TGFBR1: variants seen among roughly 807,000 people sequenced by gnomAD.
The protein encoded by TGFBR1 is TGF-beta receptor type-1.
Under a neutral mutation model 55.1 loss-of-function variants are expected in TGFBR1, and 20 were observed. That is an observed-to-expected ratio of 0.36 (90% CI 0.26 to 0.53). TGFBR1 has a LOEUF of 0.53. TGFBR1 is among the 20% of genes least tolerant of loss of function. The pLI, the probability that TGFBR1 is intolerant of heterozygous loss-of-function variation, is 0.91. For missense variants in TGFBR1, 385 were observed against 617.6 expected, an observed-to-expected ratio of 0.62 and a Z score of 3.99; for synonymous variants, 220 against 214.8, an observed-to-expected ratio of 1.02 and a Z score of -0.21.
chr9:99,131,676 T>C (rs1198954027), intron 2 of TGFBR1, among the ~76,000 whole-genome samples: 2 of 151,966 alleles, frequency 1.3e-5, no homozygotes, highest in South Asian at 2.1e-4. Flanking sequence ...CTTTAAAAAA[T>C]TGGTGGACCT....
chr9:99,150,397 A>T lies in TGFBR1; in HGVS notation c.*1092A>T, dbSNP rs559316578. On this transcript the variant is annotated 3_prime_UTR_variant, in exon 9 of 9. Transcript: ENST00000374994. ...TATTCTGTAAGCCATTTTTTTCTTT[A>T]TCTGTTCAAAGACTTATTTTTTAAG... 1 of 209,910 alleles carries T rather than the reference A, an allele frequency of 4.8e-6. No individual in the cohort carries two copies. The highest frequency in any genetic ancestry group is 9.7e-6 in the Non-Finnish European group (1 of 103,030). 13.0% of individuals were successfully genotyped at this position (209,910 alleles called of 1,614,324 possible). A position where few individuals can be genotyped will look rare whatever the true frequency, so the allele number is the denominator to read the frequency against.
rs1564161544 is a variant in TGFBR1, at chr9:99,137,957, C to G, written c.673C>G (p.Arg225Gly). The G allele has an allele frequency of 6.2e-7, 1 of 1,613,914 alleles. No individual in the cohort carries two copies. ...TGGAGAAGTTTGGAGAGGAAAGTGGCGGGGAGAAGAAGTTGCTGTTAAGAT... is the reference window on the plus strand; with the variant it reads ...TGGAGAAGTTTGGAGAGGAAAGTGGGGGGGAGAAGAAGTTGCTGTTAAGAT... ...RFGEVWRGKW[R>G]GEEVAVKIFS... The change falls in exon 4 of 9, where the codon CGG (arginine) becomes GGG (glycine). Residue 225 changes from arginine (R) to glycine (G), a missense_variant. This residue lies in a region of TGFBR1 where 85 missense variants were observed against 228.4 expected (regional missense o/e 0.37). Coordinates refer to ENST00000374994, the MANE Select transcript of TGFBR1 (RefSeq NM_004612.4).
chr9:99,116,701 G>A (rs1288165501), intron 1 of TGFBR1, among the ~76,000 whole-genome samples: 1 of 152,088 alleles, frequency 6.6e-6, no homozygotes, highest in Middle Eastern at 3.2e-3. Flanking sequence ...TAGCCATGAT[G>A]CTACTGTATC....
chr9:99,129,248 A>T, intron 2 of TGFBR1, 148 bp downstream of exon 2: 1 of 964,804 alleles, frequency 1.0e-6, no homozygotes, highest in Non-Finnish European at 1.5e-6. Flanking sequence ...TTACAGACTT[A>T]TAAGAGTAAC....
chr9:99,132,146 A>G (rs1827250104), intron 2 of TGFBR1, among the ~76,000 whole-genome samples: 1 of 152,170 alleles, frequency 6.6e-6, no homozygotes, highest in African/African-American at 2.4e-5. Context: ...CAAACATTAA[A>G]AAAAATATGA....
At chr9:99,117,340 CT>C (rs1369904909) in intron 1 of TGFBR1, among the ~76,000 whole-genome samples, 1 of 150,638 alleles carries the variant, frequency 6.6e-6, no homozygotes, top group East Asian at 2.0e-4. Flanking sequence ...CTCAGGTGAT[CT>C]GCCTGCCTCG....
At chr9:99,135,156 C>G (rs1331119196) in intron 3 of TGFBR1, among the ~76,000 whole-genome samples, 2 of 152,136 alleles carry the variant, frequency 1.3e-5, no homozygotes, top group African/African-American at 4.8e-5. Context: ...GAGGAAAAAT[C>G]TAACATACAG....
chr9:99,119,609 C>T (rs564102878), intron 1 of TGFBR1, among the ~76,000 whole-genome samples: 5 of 152,312 alleles, frequency 3.3e-5, no homozygotes, highest in Admixed American at 2.6e-4. Flanking sequence ...TATTTCTGTT[C>T]ATATTCCTTC....
chr9:99,140,080 A>C (rs1455593510), intron 4 of TGFBR1, among the ~76,000 whole-genome samples: 1 of 152,234 alleles, frequency 6.6e-6, no homozygotes, highest in Non-Finnish European at 1.5e-5. Flanking sequence ...TGTTTGATTA[A>C]GACGGGGCAG....
At chr9:99,137,231 G>A (rs1827465072) in intron 3 of TGFBR1, among the ~76,000 whole-genome samples, 1 of 152,108 alleles carries the variant, frequency 6.6e-6, no homozygotes, top group East Asian at 1.9e-4. Context: ...GATTTTTACT[G>A]ACTTATCAAA....
At chr9:99,103,703 G>C (rs1280802614), upstream of TGFBR1, among the ~76,000 whole-genome samples, 1 of 152,120 alleles carries the variant, frequency 6.6e-6, no homozygotes, top group Non-Finnish European at 1.5e-5. Flanking sequence ...AGGCCTCTGA[G>C]CCTGTTGGAG....
intron 1 of TGFBR1, among the ~76,000 whole-genome samples, chr9:99,110,719 G>A (rs1826542039): frequency 6.6e-6 from 1 of 152,164 alleles, no homozygotes; most frequent in South Asian, 2.1e-4. Context: ...AACCCCATCT[G>A]CCTGGGCAGG....
Position 99,116,552 on chromosome 9 carries a change from A to G in TGFBR1, c.97+11250A>G, listed in dbSNP as rs747578510. On this transcript the variant is annotated intron_variant, in intron 1 of 8. Transcript: ENST00000374994. The stretch of plus-strand genomic sequence containing the variant: ...TAGAGACTAGTGATTATTGACTTAC[A>G]TATAGATTTCATAATTCTGCAAGAT... Among the ~76,000 whole-genome samples, 7 of 152,240 alleles carry G rather than the reference A, an allele frequency of 4.6e-5. 1 individual carries two copies. The highest frequency in any genetic ancestry group is 1.0e-4 in the Non-Finnish European group (7 of 68,044).
At chr9:99,146,758 C>G in intron 7 of TGFBR1, 149 bp downstream of exon 7, 1 of 1,198,770 alleles carries the variant, frequency 8.3e-7, no homozygotes, top group Middle Eastern at 1.9e-4. Flanking sequence ...GCGATGAAAC[C>G]TTTGGGAGGG....
upstream of TGFBR1, chr9:99,105,051 C>A (rs1458974994): frequency 4.0e-6 from 2 of 501,576 alleles, no homozygotes; most frequent in East Asian, 8.0e-5. Context: ...CCGGCGGGAG[C>A]CCGGCAGCCA....
intron 4 of TGFBR1, among the ~76,000 whole-genome samples, chr9:99,142,256 T>C (rs953744827): frequency 6.6e-6 from 1 of 152,164 alleles, no homozygotes; most frequent in Admixed American, 6.6e-5. Flanking sequence ...TGATACCAAT[T>C]ATCTGTGAAG....
intron 1 of TGFBR1, 76 bp from the exon 2 acceptor site, chr9:99,128,779 A>G (rs1827118159): frequency 7.7e-6 from 12 of 1,563,564 alleles, no homozygotes; most frequent in Non-Finnish European, 1.1e-5. Flanking sequence ...TCAAGAATGT[A>G]TTATTAGAGT....
chr9:99,115,513 A>G (rs924854101), intron 1 of TGFBR1, among the ~76,000 whole-genome samples: 4 of 152,258 alleles, frequency 2.6e-5, no homozygotes, highest in African/African-American at 9.6e-5. Context: ...GGGAGCACTG[A>G]ACATGGAGGA....
At chr9:99,115,130 CCA>C (rs1293412239) in intron 1 of TGFBR1, among the ~76,000 whole-genome samples, 2 of 152,018 alleles carry the variant, frequency 1.3e-5, no homozygotes, top group Non-Finnish European at 2.9e-5. Context: ...TGTACATGGG[CCA>C]TTGAAAAATA....
Sources: gnomAD v4.1 joint callset for allele counts (sites outside exome capture counted in the v4.1 genomes callset) on GRCh38, gnomAD v4.1.1 for gene constraint, gnomAD v4.1.1 regional missense constraint, MANE v1.5 for transcripts, NCBI Gene and HGNC (gene_info 2026-07-23, HGNC 2026-07-21) for gene names.